Variants in TBC1D22A observed in about 807,000 individuals in gnomAD.
The protein encoded by TBC1D22A is putative GTPase activator.
In TBC1D22A, 38 loss-of-function variants were observed where a neutral mutation model predicts 60.2. That is an observed-to-expected ratio of 0.63 (90% CI 0.49 to 0.83). The LOEUF is 0.83. Ranked by LOEUF, TBC1D22A falls within the 40% of genes least tolerant of loss-of-function variation. The pLI is 0.00. For missense variants in TBC1D22A, 628 were observed against 701.0 expected, an observed-to-expected ratio of 0.90 and a Z score of 1.18; for synonymous variants, 302 against 281.7, an observed-to-expected ratio of 1.07 and a Z score of -0.72.
At chr22:46,992,951 A>G (rs944908141) in intron 9 of TBC1D22A, among the ~76,000 whole-genome samples, 3 of 152,198 alleles carry the variant, frequency 2.0e-5, no homozygotes, top group Non-Finnish European at 2.9e-5. Flanking sequence ...CTGGGCGTGG[A>G]AGGCACATTT....
At chr22:47,126,131 G>A (rs555661816) in intron 12 of TBC1D22A, among the ~76,000 whole-genome samples, 104 of 152,184 alleles carry the variant, frequency 6.8e-4, no homozygotes, top group Admixed American at 1.8e-3. Flanking sequence ...ACAGGCACAC[G>A]CTACCACGCC....
rs1569199519 is a variant in TBC1D22A, at chr22:46,904,133, A to ACC, written c.901-7941_901-7940insCC. Among the ~76,000 whole-genome samples the ACC allele has an allele frequency of 2.7e-3, 195 of 73,572 alleles. 1 individual carries two copies. Among genetic ancestry groups the ACC allele is most frequent in the African/African-American group, 9.3e-3 (191 of 20,524 alleles). 48.3% of individuals were successfully genotyped at this position (73,572 alleles called of 152,430 possible). A position where few individuals can be genotyped will look rare whatever the true frequency, so the allele number is the denominator to read the frequency against. On this transcript the variant is annotated intron_variant, in intron 7 of 12. Coordinates refer to ENST00000337137, the MANE Select transcript of TBC1D22A (RefSeq NM_014346.5). ...TATCTATCTATCTATCTATCTATCTATCTATCTATCTACCTACCTACCTAC... is the reference window on the plus strand; with the variant it reads ...TATCTATCTATCTATCTATCTATCTACCTCTATCTATCTACCTACCTACCTAC...
chr22:46,816,870 A>G (rs1485887894), intron 4 of TBC1D22A, among the ~76,000 whole-genome samples: 1 of 152,226 alleles, frequency 6.6e-6, no homozygotes, highest in Non-Finnish European at 1.5e-5. Context: ...TCATGGGGTC[A>G]TTCCCTCTGA....
Position 46,809,105 on chromosome 22 carries a change from A to G in TBC1D22A, c.637+11485A>G, listed in dbSNP as rs554803385. The stretch of plus-strand genomic sequence containing the variant: ...ATACCACAGACTGGGTGGTTTATGC[A>G]GTAGACATTGATTTCTCCCAGTTCC... On this transcript the variant is annotated intron_variant, in intron 4 of 12. Coordinates refer to ENST00000337137, the MANE Select transcript of TBC1D22A (RefSeq NM_014346.5). Among the ~76,000 whole-genome samples, 363 of 152,356 alleles carry G rather than the reference A, an allele frequency of 2.4e-3. 3 individuals carry two copies. Among genetic ancestry groups the G allele is most frequent in the South Asian group, 0.014 (67 of 4,828 alleles).
At chr22:46,785,059 A>G (rs1348388861) in intron 1 of TBC1D22A, among the ~76,000 whole-genome samples, 1 of 152,230 alleles carries the variant, frequency 6.6e-6, no homozygotes, top group African/African-American at 2.4e-5. Context: ...TGATCTAAGC[A>G]GGCTGTATCT....
At chr22:47,151,101 A>G (rs914514372) in intron 12 of TBC1D22A, among the ~76,000 whole-genome samples, 1 of 151,778 alleles carries the variant, frequency 6.6e-6, no homozygotes, top group Non-Finnish European at 1.5e-5. Context: ...GTGGGGAGCA[A>G]CCCGCTCCGC....
chr22:46,966,687 G>A (rs1014498049), intron 8 of TBC1D22A, among the ~76,000 whole-genome samples: 2 of 152,154 alleles, frequency 1.3e-5, no homozygotes, highest in African/African-American at 2.4e-5. Context: ...ACTTTTTACC[G>A]CAGTATCTAT....
chr22:47,040,073 T>C (rs1038855494), intron 11 of TBC1D22A, among the ~76,000 whole-genome samples: 3 of 150,896 alleles, frequency 2.0e-5, no homozygotes, highest in African/African-American at 7.3e-5. Context: ...GCCTCTTGAG[T>C]AGCTGGGACT....
chr22:47,137,652 G>A (rs1325684624), intron 12 of TBC1D22A, among the ~76,000 whole-genome samples: 4 of 152,334 alleles, frequency 2.6e-5, no homozygotes, highest in Middle Eastern at 3.4e-3. Flanking sequence ...CAGCTTCACC[G>A]GCCACACTGG....
intron 8 of TBC1D22A, chr22:46,913,327 T>A (rs1324181901): frequency 7.3e-7 from 1 of 1,365,932 alleles, no homozygotes; most frequent in Non-Finnish European, 9.8e-7. Context: ...TTACATGGTG[T>A]TTTTAGCCTT....
At chr22:46,795,641 T>G (rs2084618082) in intron 3 of TBC1D22A, among the ~76,000 whole-genome samples, 1 of 152,192 alleles carries the variant, frequency 6.6e-6, no homozygotes. Flanking sequence ...TTTGAGTACT[T>G]CAGTATAGTG....
intron 12 of TBC1D22A, among the ~76,000 whole-genome samples, chr22:47,112,584 G>A (rs1354354158): frequency 5.9e-5 from 9 of 152,144 alleles, no homozygotes; most frequent in Non-Finnish European, 1.2e-4. Flanking sequence ...GCTTCATCTC[G>A]GCCCCAGGAG....
chr22:46,896,726 G>A (rs1322977541), intron 7 of TBC1D22A, among the ~76,000 whole-genome samples: 1 of 152,142 alleles, frequency 6.6e-6, no homozygotes, highest in Admixed American at 6.5e-5. Flanking sequence ...AAGTAATTTA[G>A]CTTCATGACG....
intron 4 of TBC1D22A, among the ~76,000 whole-genome samples, chr22:46,850,667 G>T (rs2087232297): frequency 6.6e-6 from 1 of 152,206 alleles, no homozygotes; most frequent in South Asian, 2.1e-4. Context: ...GAGCTGCCAT[G>T]TGACCCAGCA....
intron 11 of TBC1D22A, among the ~76,000 whole-genome samples, chr22:47,062,235 G>C (rs1336103625): frequency 6.6e-6 from 1 of 152,102 alleles, no homozygotes; most frequent in Non-Finnish European, 1.5e-5. Context: ...AAACTTGCTA[G>C]AAAAGCACAT....
chr22:47,061,943 C>T (rs1400495460), intron 11 of TBC1D22A, among the ~76,000 whole-genome samples: 2 of 151,916 alleles, frequency 1.3e-5, no homozygotes, highest in African/African-American at 2.4e-5. Flanking sequence ...CAAACGTTAG[C>T]CAGGCGTGGT....
At chr22:46,873,103 T>A (rs1047500424) in intron 4 of TBC1D22A, among the ~76,000 whole-genome samples, 2 of 151,936 alleles carry the variant, frequency 1.3e-5, no homozygotes, top group African/African-American at 4.8e-5. Flanking sequence ...TGGCATTCAA[T>A]AAAAAAGTAA....
In TBC1D22A at chr22:46,860,592, G is replaced by T. The variant is rs868267770; in HGVS notation, c.638-18061G>T. ...TCCGCGCAGTGCTGTGCCCCTTCCC[G>T]GGACCAGAATCCTTTTTTGATAGAG... is the stretch of plus-strand genomic sequence containing the variant. On this transcript the variant is annotated intron_variant, in intron 4 of 12. Transcript: ENST00000337137. Among the ~76,000 whole-genome samples the T allele has an allele frequency of 1.7e-3, 246 of 147,418 alleles. 2 individuals are homozygous for T. The highest frequency in any genetic ancestry group is 6.0e-3 in the African/African-American group (236 of 39,362).
At chr22:46,968,574 G>A (rs1028051183) in intron 8 of TBC1D22A, among the ~76,000 whole-genome samples, 3 of 150,838 alleles carry the variant, frequency 2.0e-5, no homozygotes, top group East Asian at 2.0e-4. Context: ...TCCTCACTGC[G>A]TGGCCGGCGG....
Sources: allele counts gnomAD v4.1 joint callset (sites outside exome capture counted in the v4.1 genomes callset), GRCh38; gene constraint gnomAD v4.1.1; transcripts MANE v1.5; gene names NCBI Gene and HGNC (gene_info 2026-07-23, HGNC 2026-07-21).